The following SMIM14 variants were observed in gnomAD, a reference collection of about 807,000 sequenced individuals.
SMIM14 encodes small integral membrane protein 14.
Under a neutral mutation model 12.6 loss-of-function variants are expected in SMIM14, and 5 were observed. The ratio of observed to expected loss-of-function variants is 0.40; its 90% CI spans 0.21 to 0.83. The LOEUF (loss-of-function observed/expected upper bound fraction) is 0.83, where lower values mean the gene tolerates loss of function less well. Among genes scored for constraint, SMIM14 ranks in the 40% least tolerant of loss-of-function variants. The probability of loss-of-function intolerance (pLI) is 0.37; values close to 1 mark genes in which losing one functional copy is unlikely to be tolerated. For missense variants in SMIM14, 86 were observed against 119.1 expected, an observed-to-expected ratio of 0.72 and a Z score of 1.29; for synonymous variants, 30 against 40.1, an observed-to-expected ratio of 0.75 and a Z score of 0.95.
chr4:39,583,113 G>A (rs889223046), intron 2 of SMIM14, among the ~76,000 whole-genome samples: 1 of 151,980 alleles, frequency 6.6e-6, no homozygotes, highest in African/African-American at 2.4e-5. Context: ...TTAAGAGACA[G>A]GGTGTCACTC....
At chr4:39,580,529 C>CTT (rs113793341) in intron 2 of SMIM14, among the ~76,000 whole-genome samples, 129 of 144,484 alleles carry the variant, frequency 8.9e-4, no homozygotes, top group African/African-American at 3.1e-3. Flanking sequence ...TTCTTTCTTT[C>CTT]TTTTTTTTTT....
At chr4:39,552,598 G>A (rs955789874) in intron 4 of SMIM14, among the ~76,000 whole-genome samples, 1 of 152,172 alleles carries the variant, frequency 6.6e-6, no homozygotes, top group Non-Finnish European at 1.5e-5. Context: ...GAATGTCTAC[G>A]AGGATGCATG....
intron 1 of SMIM14, among the ~76,000 whole-genome samples, chr4:39,614,223 G>A (rs1560304760): frequency 6.6e-6 from 1 of 150,594 alleles, no homozygotes; most frequent in Non-Finnish European, 1.5e-5. Context: ...AAATAATCGA[G>A]GAGCAGTAAG....
chr4:39,598,160 CAG>C (rs1714451731), intron 2 of SMIM14, among the ~76,000 whole-genome samples: 1 of 152,182 alleles, frequency 6.6e-6, no homozygotes, highest in Admixed American at 6.6e-5. Flanking sequence ...AGGCCTAAGC[CAG>C]TTACCTTATA....
chr4:39,559,070 C>T (rs979295194), intron 3 of SMIM14, among the ~76,000 whole-genome samples: 1 of 152,196 alleles, frequency 6.6e-6, no homozygotes, highest in Non-Finnish European at 1.5e-5. Context: ...GGACTCCCCT[C>T]TCTGCAGAGA....
intron 2 of SMIM14, among the ~76,000 whole-genome samples, chr4:39,587,720 C>A (rs1713857612): frequency 6.6e-6 from 1 of 151,800 alleles, no homozygotes; most frequent in Non-Finnish European, 1.5e-5. Flanking sequence ...CCATTGCCCT[C>A]CATCCTGGGT....
chr4:39,606,402 G>A (rs1015018767), intron 1 of SMIM14, among the ~76,000 whole-genome samples: 1 of 151,922 alleles, frequency 6.6e-6, no homozygotes, highest in African/African-American at 2.4e-5. Flanking sequence ...CAGCACTTTG[G>A]GAGGCCGAGG....
At position 39,547,905 on chromosome 4, in the gene SMIM14, C is replaced by CTT. The variant is rs33990654; in HGVS notation, c.*4219_*4220dup. 7 of 137,964 alleles carry CTT rather than the reference C, an allele frequency of 5.1e-5. No individual in the cohort carries two copies. Among genetic ancestry groups the CTT allele is most frequent in the Non-Finnish European group, 6.2e-5 (4 of 64,384 alleles). The allele number at this position is 137,964 out of a possible 1,614,324, so 8.5% of individuals were successfully genotyped here. A position where few individuals can be genotyped will look rare whatever the true frequency, so the allele number is the denominator to read the frequency against. ...ATAACATGAAAAAAATGAAAAACAT[C>CTT]TTTTTTTTTTTTTTTTTGAGACGGA... On this transcript the variant is annotated 3_prime_UTR_variant, in exon 5 of 5. Coordinates refer to ENST00000295958, the MANE Select transcript of SMIM14 (RefSeq NM_174921.3).
At chr4:39,574,237 C>CTTTTTTTTTTTTTTTTTTTTTT (rs11338888) in intron 2 of SMIM14, among the ~76,000 whole-genome samples, 2 of 126,884 alleles carry the variant, frequency 1.6e-5, no homozygotes, top group Non-Finnish European at 1.6e-5. Context: ...CTGCAACTTT[C>CTTTTTTTTTTTTTTTTTTTTTT]TTTTTTTTTT....
rs1448499787 is a variant in SMIM14 at position 39,548,962 on chromosome 4, T to C, written c.*3164A>G. The C allele has an allele frequency of 2.0e-5, 3 of 152,050 alleles. No homozygotes were observed. The highest frequency in any genetic ancestry group is 7.2e-5 in the African/African-American group (3 of 41,406). 9.4% of individuals were successfully genotyped at this position (152,050 alleles called of 1,614,324 possible). ...GTAATCCTAGCACTTTGGGAGGCCATAGTGGGTGGATCACCTGAGGTCAGG... is the reference window on the plus strand; with the variant it reads ...GTAATCCTAGCACTTTGGGAGGCCACAGTGGGTGGATCACCTGAGGTCAGG... On this transcript the variant is annotated 3_prime_UTR_variant, in exon 5 of 5. Coordinates refer to ENST00000295958, the MANE Select transcript of SMIM14 (RefSeq NM_174921.3).
chr4:39,590,022 C>CAAAAAAAAAAAAA (rs34159677), intron 2 of SMIM14, among the ~76,000 whole-genome samples: 1 of 71,346 alleles, frequency 1.4e-5, no homozygotes, highest in Non-Finnish European at 2.6e-5. Context: ...GACTCTGTTT[C>CAAAAAAAAAAAAA]AAAAAAAAAA....
At chr4:39,631,102 T>C (rs11097001) in intron 1 of SMIM14, among the ~76,000 whole-genome samples, 87,585 of 151,674 alleles carry the variant, frequency 0.58, 25,797 homozygotes, top group East Asian at 0.79. Context: ...GAGGCTGAGG[T>C]GGGCAGATCA....
At chr4:39,567,877 C>G (rs1366778283) in intron 3 of SMIM14, among the ~76,000 whole-genome samples, 1 of 152,148 alleles carries the variant, frequency 6.6e-6, no homozygotes, top group East Asian at 1.9e-4. Flanking sequence ...TGCACTCAAG[C>G]CTGGGTGACA....
intron 3 of SMIM14, among the ~76,000 whole-genome samples, 171 bp downstream of exon 3, chr4:39,572,244 T>A (rs1291932712): frequency 3.4e-5 from 5 of 148,630 alleles, no homozygotes; most frequent in Non-Finnish European, 3.0e-5. Context: ...AAGAGCAAAC[T>A]ATGAGAATAA....
At chr4:39,562,167 C>A (rs770326810) in intron 3 of SMIM14, among the ~76,000 whole-genome samples, 1 of 151,694 alleles carries the variant, frequency 6.6e-6, no homozygotes, top group Non-Finnish European at 1.5e-5. Context: ...GGAGCCCAGG[C>A]GTTTGAGACC....
intron 3 of SMIM14, among the ~76,000 whole-genome samples, chr4:39,556,990 A>G (rs1172074431): frequency 1.3e-5 from 2 of 149,486 alleles, no homozygotes; most frequent in Non-Finnish European, 3.0e-5. Context: ...TAGAGACACT[A>G]TGTTGCCTGG....
chr4:39,590,138 G>A (rs924503033), intron 2 of SMIM14, among the ~76,000 whole-genome samples: 7 of 151,814 alleles, frequency 4.6e-5, no homozygotes, highest in African/African-American at 1.5e-4. Context: ...TTTATGCAAG[G>A]CACGGTGGCT....
At chr4:39,627,310 T>C (rs1715738549) in intron 1 of SMIM14, among the ~76,000 whole-genome samples, 1 of 152,204 alleles carries the variant, frequency 6.6e-6, no homozygotes, top group Non-Finnish European at 1.5e-5. Flanking sequence ...AAACATTACC[T>C]TCTCTTTCCT....
At chr4:39,595,568 AAG>A in intron 2 of SMIM14, among the ~76,000 whole-genome samples, 1 of 151,960 alleles carries the variant, frequency 6.6e-6, no homozygotes, top group East Asian at 1.9e-4. Flanking sequence ...AATAAAATAA[AAG>A]AGTTTCTTCT....
Sources: gnomAD v4.1 joint callset for allele counts (sites outside exome capture counted in the v4.1 genomes callset) on GRCh38, gnomAD v4.1.1 for gene constraint, MANE v1.5 for transcripts, NCBI Gene and HGNC (gene_info 2026-07-23, HGNC 2026-07-21) for gene names.